Variants in RAB11B observed in about 807,000 individuals in gnomAD.
The protein encoded by RAB11B is ras-related protein Rab-11B.
RAB11B carries 7 observed loss-of-function variants against 23.7 expected under a neutral mutation model. The ratio of observed to expected loss-of-function variants is 0.29; its 90% CI spans 0.17 to 0.55. The LOEUF (loss-of-function observed/expected upper bound fraction) is 0.55. RAB11B is among the 20% of genes least tolerant of loss of function. The pLI is 0.93. For missense variants in RAB11B, 189 were observed against 320.0 expected (o/e 0.59, Z 3.12); for synonymous variants, 138 against 132.0 (o/e 1.05, Z -0.31).
chr19:8,400,200 C>A lies in RAB11B; in HGVS notation c.236+142C>A. On this transcript the variant is annotated intron_variant, in intron 2 of 4. Transcript: ENST00000328024. ...ACCAGGGAGTGAGGCTGGAAGAACG[C>A]TTTAGCCATGCGCCGTGGGACCCTC... 3.0e-6 allele frequency: 3 copies of A among 1,006,318 alleles called. No homozygotes were observed. The South Asian group carries it at 4.7e-5, about 16-fold the overall frequency. The allele number at this position is 1,006,318 out of a possible 1,614,324, so 62.3% of individuals were successfully genotyped here.
At chr19:8,399,269 A>C (rs1419437454) in intron 1 of RAB11B, among the ~76,000 whole-genome samples, 1 of 151,870 alleles carries the variant, frequency 6.6e-6, no homozygotes, top group Non-Finnish European at 1.5e-5. Context: ...TGTATTTTTT[A>C]TAGAGACGGG....
rs1244664224 is a variant in RAB11B, at chr19:8,396,630, G to C, written c.41-3233G>C. Reference sequence around the variant, plus strand: ...GTTTCTGGCAGCAGGAGCAACCCGTGCAAAGGCCCTGAGGCAGGATCGCAC... The same window carrying C: ...GTTTCTGGCAGCAGGAGCAACCCGTCCAAAGGCCCTGAGGCAGGATCGCAC... On this transcript the variant is annotated intron_variant, in intron 1 of 4. Transcript: ENST00000328024. This position sits in a 1 kb window ranked among gnomAD's most constrained non-coding sequence, Gnocchi z 5.0. 6.6e-6 allele frequency among the ~76,000 whole-genome samples: 1 copy of C among 151,238 alleles called. No individual in the cohort carries two copies. Among genetic ancestry groups the C allele is most frequent in the South Asian group, 2.1e-4 (1 of 4,790 alleles).
intron 1 of RAB11B, 126 bp from the exon 2 acceptor site, chr19:8,399,737 C>T (rs1971423061): frequency 9.6e-6 from 10 of 1,040,454 alleles, no homozygotes; most frequent in Non-Finnish European, 1.4e-5. Flanking sequence ...GGGCTCCAGG[C>T]ATCTCTCGAC....
intron 2 of RAB11B, among the ~76,000 whole-genome samples, chr19:8,401,227 C>T (rs573888762): frequency 1.3e-5 from 2 of 151,920 alleles, no homozygotes; most frequent in Non-Finnish European, 2.9e-5. Context: ...ACTACAGGCG[C>T]CCACCACCAC....
At chr19:8,390,617 G>C (rs1971340634) in intron 1 of RAB11B, 161 bp downstream of exon 1, 1 of 727,516 alleles carries the variant, frequency 1.4e-6, no homozygotes. Context: ...GGCAGCATCA[G>C]CTTCGGGCTA....
chr19:8,399,818 G>A (rs1340578601), intron 1 of RAB11B, 45 bp from the exon 2 acceptor site: 6 of 1,591,914 alleles, frequency 3.8e-6, no homozygotes, highest in South Asian at 3.4e-5. Flanking sequence ...GGGGGCAGTC[G>A]TGGGTGGAGT....
At chr19:8,391,993 G>C (rs1021782380) in intron 1 of RAB11B, among the ~76,000 whole-genome samples, 2 of 151,870 alleles carry the variant, frequency 1.3e-5, no homozygotes, top group Admixed American at 1.3e-4. Context: ...CCAAGGTCTC[G>C]CCCCTCGTGG....
chr19:8,403,280 C>CT, intron 4 of RAB11B, 133 bp from the exon 5 acceptor site: 2 of 1,187,252 alleles, frequency 1.7e-6, no homozygotes, highest in Non-Finnish European at 2.4e-6. Context: ...AGCCCCTGTC[C>CT]TTGTTACCCC....
intron 1 of RAB11B, 198 bp downstream of exon 1, chr19:8,390,654 G>A (rs1046885614): frequency 1.9e-6 from 1 of 521,524 alleles, no homozygotes; most frequent in African/African-American, 2.0e-5. Context: ...GGAGCCGGAG[G>A]CCCGGAGAGA....
At chr19:8,394,383 G>A (rs1971381048) in intron 1 of RAB11B, among the ~76,000 whole-genome samples, 1 of 152,160 alleles carries the variant, frequency 6.6e-6, no homozygotes, top group Non-Finnish European at 1.5e-5. Flanking sequence ...TCGAACTCCT[G>A]AGCTCAAGTG....
At chr19:8,402,695 G>T in intron 4 of RAB11B, 130 bp downstream of exon 4, 3 of 675,170 alleles carry the variant, frequency 4.4e-6, no homozygotes, top group Middle Eastern at 4.2e-4. Context: ...ATGGATTTTT[G>T]CTCTTTGCCC....
intron 3 of RAB11B, 51 bp downstream of exon 3, chr19:8,402,330 C>T: frequency 1.3e-6 from 2 of 1,530,434 alleles, no homozygotes; most frequent in Non-Finnish European, 1.8e-6. Context: ...AGGCAGGAGG[C>T]CCCTCACAGT....
chr19:8,393,080 G>T (rs536511476), intron 1 of RAB11B, among the ~76,000 whole-genome samples: 1 of 151,114 alleles, frequency 6.6e-6, no homozygotes, highest in Non-Finnish European at 1.5e-5. Context: ...GTGATGCCCC[G>T]TGTGCCATTT....
At chr19:8,394,855 A>G (rs1971384314) in intron 1 of RAB11B, among the ~76,000 whole-genome samples, 1 of 152,224 alleles carries the variant, frequency 6.6e-6, no homozygotes, top group African/African-American at 2.4e-5. Flanking sequence ...TCTTGAACTC[A>G]GGAGGCGGAG....
At chr19:8,392,545 C>G (rs1315416414) in intron 1 of RAB11B, among the ~76,000 whole-genome samples, 1 of 152,112 alleles carries the variant, frequency 6.6e-6, no homozygotes, top group Non-Finnish European at 1.5e-5. Flanking sequence ...CTGACCTTCT[C>G]AAGCTAGTTG....
rs777955946 is a variant in RAB11B at position 8,400,065 on chromosome 19, G to C, written c.236+7G>C. 7.5e-6 allele frequency: 12 copies of C among 1,606,702 alleles called. No homozygotes were observed. The East Asian group carries it at 2.7e-4, about 36-fold the overall frequency. ...ACCGCGCCATCACCTCCGCGTGCGT[G>C]TCGGCAGCCTGGGCAGGGACGCTGA... is the stretch of plus-strand genomic sequence containing the variant. On this transcript the variant is annotated splice_region_variant and intron_variant, in intron 2 of 4. Coordinates refer to ENST00000328024, the MANE Select transcript of RAB11B (RefSeq NM_004218.4).
At position 8,396,301 on chromosome 19, in the gene RAB11B, T is replaced by C. The variant is rs941059539; in HGVS notation, c.41-3562T>C. On this transcript the variant is annotated intron_variant, in intron 1 of 4. Transcript: ENST00000328024. The surrounding 1 kb of genome is among the most constrained non-coding windows in gnomAD (Gnocchi z 5.0). ...GGGGCAGGCGGCATGCGTGGGAGGC[T>C]CTGCCAGCCTTTTTGGCATTTTGTT... Among the ~76,000 whole-genome samples the C allele has an allele frequency of 3.3e-5, 5 of 152,210 alleles. No individual in the cohort carries two copies. The highest frequency in any genetic ancestry group is 9.6e-5 in the African/African-American group (4 of 41,460).
chr19:8,390,402 G>C lies in RAB11B; in HGVS notation c.-15G>C. On this transcript the variant is annotated 5_prime_UTR_variant, in exon 1 of 5. Transcript: ENST00000328024. ...GGGCTGCGGAGTCGCCGATCCCGCC[G>C]GAAGCGCCAGGACAATGGGGACCCG... 6.5e-7 allele frequency: 1 copy of C among 1,533,314 alleles called. No individual in the cohort carries two copies. The highest frequency in any genetic ancestry group is 8.7e-7 in the Non-Finnish European group (1 of 1,144,228). The allele number at this position is 1,533,314 out of a possible 1,614,324, so 95.0% of individuals were successfully genotyped here.
At chr19:8,392,083 C>T (rs1254030958) in intron 1 of RAB11B, among the ~76,000 whole-genome samples, 2 of 151,998 alleles carry the variant, frequency 1.3e-5, no homozygotes, top group Non-Finnish European at 2.9e-5. Flanking sequence ...ACTTTGGGTC[C>T]TGCTGATCGG....
Sources: allele counts gnomAD v4.1 joint callset (sites outside exome capture counted in the v4.1 genomes callset), GRCh38; gene constraint gnomAD v4.1.1; non-coding constraint Gnocchi (gnomAD v3.1); transcripts MANE v1.5; gene names NCBI Gene and HGNC (gene_info 2026-07-23, HGNC 2026-07-21).